The following FRMD3 variants were observed in gnomAD, a reference collection of about 807,000 sequenced individuals.
The protein encoded by FRMD3 is FERM domain containing 3.
FRMD3 carries 33 observed loss-of-function variants against 70.2 expected under a neutral mutation model. The ratio of observed to expected loss-of-function variants is 0.47; its 90% CI spans 0.36 to 0.63. The LOEUF (loss-of-function observed/expected upper bound fraction) is 0.63, where lower values mean the gene tolerates loss of function less well. FRMD3 is among the 20% of genes least tolerant of loss of function. The pLI is 0.00. For missense variants in FRMD3, 632 were observed against 711.4 expected (o/e 0.89, Z 1.27); for synonymous variants, 279 against 255.9 (o/e 1.09, Z -0.86).
intron 13 of FRMD3, among the ~76,000 whole-genome samples, chr9:83,257,919 C>T (rs1405565510): frequency 6.6e-6 from 1 of 152,140 alleles, no homozygotes; most frequent in Non-Finnish European, 1.5e-5. Context: ...CCATAGAAAA[C>T]ACTCAATAAT....
At chr9:83,365,697 G>A (rs912475416) in intron 3 of FRMD3, among the ~76,000 whole-genome samples, 4 of 152,074 alleles carry the variant, frequency 2.6e-5, no homozygotes, top group Non-Finnish European at 4.4e-5. Context: ...GAACCCCAGG[G>A]TAGTTGCAGG....
At chr9:83,374,224 C>A (rs1825071333) in intron 2 of FRMD3, among the ~76,000 whole-genome samples, 1 of 152,086 alleles carries the variant, frequency 6.6e-6, no homozygotes, top group Non-Finnish European at 1.5e-5. Context: ...AATGCATATT[C>A]TTCTCGGTGA....
chr9:83,356,828 G>A (rs1824360644), intron 3 of FRMD3, among the ~76,000 whole-genome samples: 1 of 151,524 alleles, frequency 6.6e-6, no homozygotes, highest in Admixed American at 6.6e-5. Flanking sequence ...CTGGGATTTG[G>A]GTGCACCCAT....
chr9:83,293,190 G>A (rs1365364631), intron 12 of FRMD3, among the ~76,000 whole-genome samples: 1 of 152,008 alleles, frequency 6.6e-6, no homozygotes, highest in African/African-American at 2.4e-5. Context: ...GAGGGAGGGA[G>A]GAAGGGAGGG....
chr9:83,334,007 T>C (rs936966706), intron 6 of FRMD3, among the ~76,000 whole-genome samples: 2 of 152,164 alleles, frequency 1.3e-5, no homozygotes, highest in African/African-American at 4.8e-5. Flanking sequence ...TATTATCCTA[T>C]GTTCTGAGCG....
At chr9:83,522,326 C>T (rs1047889122) in intron 1 of FRMD3, among the ~76,000 whole-genome samples, 1 of 151,984 alleles carries the variant, frequency 6.6e-6, no homozygotes, top group Non-Finnish European at 1.5e-5. Context: ...TCGCCTTAAG[C>T]TTTGCCCGCC....
chr9:83,562,328 C>T, the FRMD3 span, among the ~76,000 whole-genome samples: 3 of 152,144 alleles, frequency 2.0e-5, no homozygotes, highest in African/African-American at 4.8e-5. Context: ...AAAGTGAAAT[C>T]GCACTAACTG....
Position 83,429,472 on chromosome 9 carries a change from C to T in FRMD3, c.148-39764G>A, listed in dbSNP as rs546282540. Among the ~76,000 whole-genome samples the T allele has an allele frequency of 3.9e-3, 599 of 152,254 alleles. 6 individuals are homozygous for T. Among genetic ancestry groups the T allele is most frequent in the African/African-American group, 0.012 (509 of 41,514 alleles). ...TCTCCCCAGGACATCCTTAAAAATGCCCTTTGCTTTCACTCTGATATGCTC... is the reference window on the plus strand; with the variant it reads ...TCTCCCCAGGACATCCTTAAAAATGTCCTTTGCTTTCACTCTGATATGCTC... On this transcript the variant is annotated intron_variant, in intron 1 of 13. Coordinates refer to ENST00000304195, the MANE Select transcript of FRMD3 (RefSeq NM_174938.6).
At chr9:83,400,328 T>G (rs551929343) in intron 1 of FRMD3, among the ~76,000 whole-genome samples, 166 of 152,292 alleles carry the variant, frequency 1.1e-3, no homozygotes, top group African/African-American at 3.9e-3. Flanking sequence ...TACTTAGGGA[T>G]AACTCTAACA....
chr9:83,294,667 G>A (rs564795204), intron 12 of FRMD3, among the ~76,000 whole-genome samples: 1 of 152,302 alleles, frequency 6.6e-6, no homozygotes, highest in Admixed American at 6.5e-5. Flanking sequence ...GACTCAGGGA[G>A]CTTATGTAAT....
intron 1 of FRMD3, among the ~76,000 whole-genome samples, chr9:83,390,308 C>G (rs550210101): frequency 1.3e-5 from 2 of 152,224 alleles, no homozygotes. Context: ...GGAGCAATCA[C>G]GAGTCCACTG....
Position 83,525,134 on chromosome 9 carries a change from G to A in FRMD3, c.147+12951C>T, listed in dbSNP as rs186222379. Among the ~76,000 whole-genome samples, 3 of 152,144 alleles carry A rather than the reference G, an allele frequency of 2.0e-5. No individual in the cohort carries two copies. In the East Asian group the frequency reaches 5.8e-4, roughly 29 times the overall value. On this transcript the variant is annotated intron_variant, in intron 1 of 13. Transcript: ENST00000304195. ...GTTTACGTGTAAAGACCTTGGTTTG[G>A]TTAATCTTGACTTTCCAGATTAACG... is the stretch of plus-strand genomic sequence containing the variant.
At chr9:83,306,475 AT>A (rs1835140844) in intron 10 of FRMD3, among the ~76,000 whole-genome samples, 1 of 151,938 alleles carries the variant, frequency 6.6e-6, no homozygotes, top group African/African-American at 2.4e-5. Context: ...CATCCTCCAC[AT>A]TCCTGCCATG....
At chr9:83,500,502 GCACACACACA>G (rs3084172) in intron 1 of FRMD3, among the ~76,000 whole-genome samples, 2 of 143,714 alleles carry the variant, frequency 1.4e-5, no homozygotes, top group Non-Finnish European at 3.1e-5. Flanking sequence ...GTGTATGCGC[GCACACACACA>G]CACACACACA....
intron 6 of FRMD3, among the ~76,000 whole-genome samples, chr9:83,329,539 T>C (rs1323236241): frequency 6.6e-6 from 1 of 152,240 alleles, no homozygotes. Flanking sequence ...TCTAGAAACC[T>C]AGACGTTTTT....
intron 1 of FRMD3, among the ~76,000 whole-genome samples, chr9:83,394,767 C>T (rs1214154178): frequency 6.6e-6 from 1 of 152,108 alleles, no homozygotes; most frequent in Non-Finnish European, 1.5e-5. Context: ...CACAAACTAG[C>T]CTACTTGTCA....
At chr9:83,343,428 G>A (rs1247933542) in intron 4 of FRMD3, 141 bp from the exon 5 acceptor site, 10 of 622,414 alleles carry the variant, frequency 1.6e-5, no homozygotes, top group Admixed American at 8.5e-5. Flanking sequence ...GCCCTTTGTA[G>A]AACAAGCAGA....
intron 3 of FRMD3, among the ~76,000 whole-genome samples, chr9:83,361,094 C>G (rs1824568540): frequency 6.6e-6 from 1 of 152,192 alleles, no homozygotes; most frequent in Admixed American, 6.5e-5. Flanking sequence ...AAAATCATAG[C>G]TGCTCTTCTT....
At chr9:83,388,378 G>T (rs548103387) in intron 2 of FRMD3, among the ~76,000 whole-genome samples, 1 of 152,116 alleles carries the variant, frequency 6.6e-6, no homozygotes, top group South Asian at 2.1e-4. Flanking sequence ...AGGCAGAGGG[G>T]TCCTATCCCC....
Sources: allele counts gnomAD v4.1 joint callset (sites outside exome capture counted in the v4.1 genomes callset), GRCh38; gene constraint gnomAD v4.1.1; transcripts MANE v1.5; gene names NCBI Gene and HGNC (gene_info 2026-07-23, HGNC 2026-07-21).